Variants in MTUS1 observed in about 807,000 individuals in gnomAD.
The protein encoded by MTUS1 is microtubule-associated tumor suppressor 1.
MTUS1 carries 109 observed loss-of-function variants against 120.8 expected under a neutral mutation model. The ratio of observed to expected loss-of-function variants is 0.90; its 90% CI spans 0.77 to 1.06. The LOEUF (loss-of-function observed/expected upper bound fraction) is 1.06. Among genes scored for constraint, MTUS1 ranks in the 50% least tolerant of loss-of-function variants. The pLI is 0.00. For synonymous variants in MTUS1, 737 were observed against 550.5 expected, an observed-to-expected ratio of 1.34 and a Z score of -4.74; for missense variants, 2,210 against 1,486.3, an observed-to-expected ratio of 1.49 and a Z score of -8.01.
At chr8:17,783,302 G>T (rs897420570) in intron 1 of MTUS1, among the ~76,000 whole-genome samples, 2 of 152,086 alleles carry the variant, frequency 1.3e-5, no homozygotes, top group African/African-American at 4.8e-5. Context: ...TTCTGGAGTT[G>T]GAATTTTCCA....
chr8:17,684,370 C>G lies in MTUS1; in HGVS notation c.2796G>C (p.Lys932Asn), dbSNP rs1433798051. 1.9e-6 allele frequency: 3 copies of G among 1,614,068 alleles called. No individual in the cohort carries two copies. The highest frequency in any genetic ancestry group is 2.7e-5 in the African/African-American group (2 of 74,930). Residue 932 changes from lysine to asparagine, a missense_variant, in exon 7 of 15, where the codon AAG becomes AAC. Lys to Asn is a moderately conservative substitution (Grantham distance 94, BLOSUM62 0). Coordinates refer to ENST00000693296, the MANE Select transcript of MTUS1 (RefSeq NM_001363059.2). The part of the protein sequence containing the change: ...LKQLLACGNT[K>N]FEALTVVIQH... Reference sequence around the variant, plus strand: ...GAATCACAACTGTCAATGCCTCAAACTTGGTATTACCACAGGCAAGAAGCT... The same window carrying G: ...GAATCACAACTGTCAATGCCTCAAAGTTGGTATTACCACAGGCAAGAAGCT...
At position 17,723,885 on chromosome 8, in the gene MTUS1, T is replaced by C. The variant is rs369570099; in HGVS notation, c.2288-52A>G. The C allele has an allele frequency of 9.1e-5, 133 of 1,460,802 alleles. No individual in the cohort carries two copies. In the African/African-American group the frequency reaches 1.5e-3, roughly 16 times the overall value. 90.5% of individuals were successfully genotyped at this position (1,460,802 alleles called of 1,614,324 possible). A position where few individuals can be genotyped will look rare whatever the true frequency, so the allele number is the denominator to read the frequency against. The stretch of plus-strand genomic sequence containing the variant: ...TTCCAGTGCTATTCATCCCGAAAGC[T>C]GGCACTTTTTAAGCCTGTAAACTCA... On this transcript the variant is annotated intron_variant, in intron 3 of 14. Coordinates refer to ENST00000693296, the MANE Select transcript of MTUS1 (RefSeq NM_001363059.2).
chr8:17,661,034 G>A (rs941746021), intron 8 of MTUS1, among the ~76,000 whole-genome samples: 5 of 152,194 alleles, frequency 3.3e-5, no homozygotes, highest in African/African-American at 1.2e-4. Flanking sequence ...GGTCTTGACT[G>A]CTGGAGAACA....
intron 1 of MTUS1, among the ~76,000 whole-genome samples, chr8:17,790,176 A>T (rs1249512673): frequency 6.6e-6 from 1 of 151,940 alleles, no homozygotes; most frequent in Admixed American, 6.6e-5. Context: ...GTGAAGCCCC[A>T]CCTCTAATAA....
intron 1 of MTUS1, among the ~76,000 whole-genome samples, chr8:17,772,153 T>A (rs564893119): frequency 5.9e-5 from 9 of 152,204 alleles, no homozygotes; most frequent in Non-Finnish European, 1.2e-4. Flanking sequence ...GCATTTAGGA[T>A]AAAACTCTAA....
chr8:17,691,967 A>C (rs1344421545), intron 6 of MTUS1: 1 of 152,254 alleles, frequency 6.6e-6, no homozygotes, highest in Non-Finnish European at 1.5e-5. Context: ...GTTAAGACTT[A>C]CGTCCAAACG....
chr8:17,661,735 G>C (rs1563156063), intron 8 of MTUS1, among the ~76,000 whole-genome samples: 1 of 152,058 alleles, frequency 6.6e-6, no homozygotes, highest in Non-Finnish European at 1.5e-5. Context: ...GAGAAAATGG[G>C]TCAGATGGGG....
intron 6 of MTUS1, among the ~76,000 whole-genome samples, chr8:17,700,951 C>T (rs528548896): frequency 6.6e-6 from 1 of 152,072 alleles, no homozygotes; most frequent in East Asian, 1.9e-4. Context: ...TTTTTTAAAT[C>T]AGTGATTTAG....
At position 17,760,284 on chromosome 8, in the gene MTUS1, A is replaced by G. The variant is rs191795982; in HGVS notation, c.-154-4323T>C. On this transcript the variant is annotated intron_variant, in intron 1 of 14. Coordinates refer to ENST00000693296, the MANE Select transcript of MTUS1 (RefSeq NM_001363059.2). ...CAAAGAGACTAAAAAACCCACAAACATGTGTTCATAAATACTTAAGGATTG... is the reference window on the plus strand; with the variant it reads ...CAAAGAGACTAAAAAACCCACAAACGTGTGTTCATAAATACTTAAGGATTG... 1.7e-4 allele frequency among the ~76,000 whole-genome samples: 26 copies of G among 149,668 alleles called. No individual in the cohort carries two copies. In the East Asian group the frequency reaches 4.2e-3, roughly 24 times the overall value.
chr8:17,756,648 T>C (rs1586200655), intron 1 of MTUS1, among the ~76,000 whole-genome samples: 28 of 132,230 alleles, frequency 2.1e-4, no homozygotes, highest in Middle Eastern at 3.7e-3. Context: ...CCCACCCCTC[T>C]CCAATTCATA....
chr8:17,685,305 G>C (rs1397915975), intron 6 of MTUS1, among the ~76,000 whole-genome samples: 2 of 151,608 alleles, frequency 1.3e-5, no homozygotes, highest in Non-Finnish European at 2.9e-5. Flanking sequence ...TGGTGCCCTG[G>C]GTATTACTCT....
At chr8:17,706,939 G>A (rs1176558558) in intron 6 of MTUS1, among the ~76,000 whole-genome samples, 1 of 152,154 alleles carries the variant, frequency 6.6e-6, no homozygotes, top group Non-Finnish European at 1.5e-5. Context: ...ACTTTTTGAA[G>A]TTTGGCAAAC....
At chr8:17,700,447 G>C (rs1042027196) in intron 6 of MTUS1, among the ~76,000 whole-genome samples, 4 of 58,514 alleles carry the variant, frequency 6.8e-5, no homozygotes, top group Non-Finnish European at 1.5e-4. Flanking sequence ...TCCAGCCTGG[G>C]CAATAAGAGC....
chr8:17,741,200 G>C (rs1253401645), intron 3 of MTUS1, among the ~76,000 whole-genome samples: 1 of 151,874 alleles, frequency 6.6e-6, no homozygotes, highest in Non-Finnish European at 1.5e-5. Context: ...CTTTTTCTAA[G>C]GGCACCACCC....
At chr8:17,661,668 CGTTTTGA>C (rs1051740353) in intron 8 of MTUS1, among the ~76,000 whole-genome samples, 2 of 135,018 alleles carry the variant, frequency 1.5e-5, no homozygotes, top group African/African-American at 6.0e-5. Context: ...GCAGCTCTGA[CGTTTTGA>C]TAAGTGAGGT....
chr8:17,763,616 GGACGACGGTGCACT>G (rs1267582864), intron 1 of MTUS1, among the ~76,000 whole-genome samples: 2 of 152,066 alleles, frequency 1.3e-5, no homozygotes, highest in African/African-American at 4.8e-5. Flanking sequence ...ACCAGAGCCA[GGACGACGGTGCACT>G]GAGGGAGATA....
intron 1 of MTUS1, among the ~76,000 whole-genome samples, chr8:17,765,828 T>C (rs963401243): frequency 2.6e-5 from 4 of 152,058 alleles, no homozygotes; most frequent in African/African-American, 9.7e-5. Context: ...AGTCCATTAC[T>C]ACATCTCTTC....
At chr8:17,697,503 C>G in intron 6 of MTUS1, 1 of 1,420,692 alleles carries the variant, frequency 7.0e-7, no homozygotes, top group Non-Finnish European at 9.3e-7. Context: ...GCCTACACAG[C>G]AAATGTCATT....
At chr8:17,681,173 A>G (rs570370225) in intron 7 of MTUS1, among the ~76,000 whole-genome samples, 1 of 152,286 alleles carries the variant, frequency 6.6e-6, no homozygotes, top group East Asian at 1.9e-4. Context: ...ACCTCAGGTG[A>G]TCCACCCGCC....
Sources: gnomAD v4.1 joint callset for allele counts (sites outside exome capture counted in the v4.1 genomes callset) on GRCh38, gnomAD v4.1.1 for gene constraint, MANE v1.5 for transcripts, NCBI Gene and HGNC (gene_info 2026-07-23, HGNC 2026-07-21) for gene names.